Variants in SH3BGRL2 observed in about 807,000 individuals in gnomAD.
SH3BGRL2 encodes the protein SH3 domain binding glutamate rich protein like 2.
In SH3BGRL2, 21 loss-of-function variants were observed where a neutral mutation model predicts 14.8. That is an observed-to-expected ratio of 1.42 (90% CI 1.01 to 2.05). The LOEUF (loss-of-function observed/expected upper bound fraction) is 2.05. Ranked by LOEUF, SH3BGRL2 falls within the 30% of genes most tolerant of loss-of-function variation. The pLI is 0.00. For missense variants in SH3BGRL2, 147 were observed against 130.8 expected, an observed-to-expected ratio of 1.12 and a Z score of -0.61; for synonymous variants, 50 against 47.8, an observed-to-expected ratio of 1.05 and a Z score of -0.19.
intron 1 of SH3BGRL2, among the ~76,000 whole-genome samples, chr6:79,663,874 G>GT (rs1319068134): frequency 1.1e-4 from 17 of 152,308 alleles, no homozygotes; most frequent in African/African-American, 3.8e-4. Context: ...CTCCCCAGTG[G>GT]CGGCCGCCCC....
At chr6:79,568,111 T>G in the SH3BGRL2 span, among the ~76,000 whole-genome samples, 1 of 152,306 alleles carries the variant, frequency 6.6e-6, no homozygotes, top group African/African-American at 2.4e-5. Flanking sequence ...CTGCTAATAC[T>G]GCTAATGAGG....
the SH3BGRL2 span, among the ~76,000 whole-genome samples, chr6:79,556,342 C>T: frequency 6.6e-6 from 1 of 152,072 alleles, no homozygotes; most frequent in Non-Finnish European, 1.5e-5. Context: ...TACAAAGTCT[C>T]CACTAAACAC....
chr6:79,590,812 C>A, the SH3BGRL2 span, among the ~76,000 whole-genome samples: 1 of 151,960 alleles, frequency 6.6e-6, no homozygotes, highest in African/African-American at 2.4e-5. Flanking sequence ...GCACATGTAC[C>A]TCCTGAATCC....
the SH3BGRL2 span, among the ~76,000 whole-genome samples, chr6:79,546,960 G>C: frequency 6.6e-6 from 1 of 152,148 alleles, no homozygotes; most frequent in Non-Finnish European, 1.5e-5. Context: ...GACCACAGGC[G>C]TGAGCCACTG....
the SH3BGRL2 span, among the ~76,000 whole-genome samples, chr6:79,558,483 A>G: frequency 6.6e-6 from 1 of 152,328 alleles, no homozygotes; most frequent in South Asian, 2.1e-4. Flanking sequence ...ATGTATTTGA[A>G]GACATTTAAA....
chr6:79,590,823 AAAAT>A, the SH3BGRL2 span, among the ~76,000 whole-genome samples: 1 of 152,090 alleles, frequency 6.6e-6, no homozygotes, highest in African/African-American at 2.4e-5. Flanking sequence ...TCCTGAATCC[AAAAT>A]AAATAAATTA....
At position 79,673,852 on chromosome 6, in the gene SH3BGRL2, G is replaced by A. The variant is rs1328125554; in HGVS notation, c.231+53G>A. 43 of 1,553,928 alleles carry A rather than the reference G, an allele frequency of 2.8e-5. No individual in the cohort carries two copies. In the East Asian group the frequency reaches 7.9e-4, roughly 29 times the overall value. ...TTTCTTTTTATTGTTCAGAACACAT[G>A]CCACCTAGAGTGCAGGTGGGTTTTT... On this transcript the variant is annotated intron_variant, in intron 2 of 3. Coordinates refer to ENST00000369838, the MANE Select transcript of SH3BGRL2 (RefSeq NM_031469.4).
At chr6:79,698,287 GA>G (rs1274417451) in intron 3 of SH3BGRL2, among the ~76,000 whole-genome samples, 1 of 152,162 alleles carries the variant, frequency 6.6e-6, no homozygotes, top group Non-Finnish European at 1.5e-5. Context: ...TGAGAGAAGT[GA>G]AAATGTCTTC....
the SH3BGRL2 span, among the ~76,000 whole-genome samples, chr6:79,545,843 GCT>G: frequency 2.0e-5 from 3 of 152,134 alleles, no homozygotes; most frequent in Non-Finnish European, 2.9e-5. Flanking sequence ...TTGCTAACGT[GCT>G]GTCATTGTTT....
At chr6:79,578,065 G>C in the SH3BGRL2 span, among the ~76,000 whole-genome samples, 2 of 152,246 alleles carry the variant, frequency 1.3e-5, no homozygotes, top group African/African-American at 2.4e-5. Context: ...GCCTGGCTGG[G>C]AGAGGGGCAT....
At chr6:79,672,671 T>C (rs1318811511) in intron 1 of SH3BGRL2, among the ~76,000 whole-genome samples, 1 of 152,240 alleles carries the variant, frequency 6.6e-6, no homozygotes, top group Admixed American at 6.5e-5. Context: ...AGGTGTCTTC[T>C]GGGGGTCTTG....
chr6:79,588,098 T>C, the SH3BGRL2 span, among the ~76,000 whole-genome samples: 8 of 151,942 alleles, frequency 5.3e-5, no homozygotes, highest in South Asian at 4.2e-4. Context: ...TTGAGACCAT[T>C]CTGGCTAACA....
At chr6:79,548,287 A>C in the SH3BGRL2 span, among the ~76,000 whole-genome samples, 1 of 152,184 alleles carries the variant, frequency 6.6e-6, no homozygotes, top group African/African-American at 2.4e-5. Flanking sequence ...ATATATGCCA[A>C]ATTTTTAAAT....
At chr6:79,615,500 C>T in the SH3BGRL2 span, among the ~76,000 whole-genome samples, 1 of 152,266 alleles carries the variant, frequency 6.6e-6, no homozygotes, top group East Asian at 1.9e-4. Context: ...TACACCTTTA[C>T]AAGATAAAGC....
rs1023903211 is a variant in SH3BGRL2, at chr6:79,700,471, A to AT, written c.*964dup. The AT allele has an allele frequency of 6.6e-6, 1 of 152,184 alleles. No individual in the cohort carries two copies. The highest frequency in any genetic ancestry group is 2.4e-5 in the African/African-American group (1 of 41,448). 9.4% of individuals were successfully genotyped at this position (152,184 alleles called of 1,614,324 possible). On this transcript the variant is annotated 3_prime_UTR_variant, in exon 4 of 4. Coordinates refer to ENST00000369838, the MANE Select transcript of SH3BGRL2 (RefSeq NM_031469.4). ...GTTAGATATATTTTGTGAACCCTTG[A>AT]TTAGACATATTAAAATATACCAATG...
intron 1 of SH3BGRL2, among the ~76,000 whole-genome samples, chr6:79,671,950 G>T (rs1489544708): frequency 6.6e-6 from 1 of 152,108 alleles, no homozygotes; most frequent in Admixed American, 6.5e-5. Flanking sequence ...TTGTTATTTG[G>T]GTGATTTGCT....
At chr6:79,594,278 A>G in the SH3BGRL2 span, among the ~76,000 whole-genome samples, 1 of 152,148 alleles carries the variant, frequency 6.6e-6, no homozygotes, top group African/African-American at 2.4e-5. Context: ...ATTTCTCTAC[A>G]AAGTTATTGT....
the SH3BGRL2 span, among the ~76,000 whole-genome samples, chr6:79,620,466 A>G: frequency 0.68 from 102,679 of 151,852 alleles, 35,891 homozygotes; most frequent in Non-Finnish European, 0.76. Context: ...GCACATGCAG[A>G]ATAAATTAAC....
At position 79,701,952 on chromosome 6, in the gene SH3BGRL2, T is replaced by G. The variant is rs1370539366; in HGVS notation, c.*2443T>G. ...ATATCAAGGGCATTTCAAGACAGAA[T>G]TTTTATTTCCTGTAGTAGGCTTGCT... On this transcript the variant is annotated 3_prime_UTR_variant, in exon 4 of 4. Coordinates refer to ENST00000369838, the MANE Select transcript of SH3BGRL2 (RefSeq NM_031469.4). 1 of 152,614 alleles carries G rather than the reference T, an allele frequency of 6.6e-6. No individual in the cohort carries two copies. The highest frequency in any genetic ancestry group is 1.5e-5 in the Non-Finnish European group (1 of 68,022). 9.5% of individuals were successfully genotyped at this position (152,614 alleles called of 1,614,324 possible). A position where few individuals can be genotyped will look rare whatever the true frequency, so the allele number is the denominator to read the frequency against.
Sources: allele counts gnomAD v4.1 joint callset (sites outside exome capture counted in the v4.1 genomes callset), GRCh38; gene constraint gnomAD v4.1.1; transcripts MANE v1.5; gene names NCBI Gene and HGNC (gene_info 2026-07-23, HGNC 2026-07-21).